The following FAM227B variants were observed in gnomAD, a reference collection of about 807,000 sequenced individuals.
FAM227B encodes family with sequence similarity 227 member B.
Under a neutral mutation model 73.8 loss-of-function variants are expected in FAM227B, and 88 were observed. The observed-to-expected ratio is 1.19, with a 90% CI of 1.00 to 1.42. The LOEUF (loss-of-function observed/expected upper bound fraction) is 1.42, where lower values mean the gene tolerates loss of function less well. Ranked by LOEUF, FAM227B falls within the 40% of genes most tolerant of loss-of-function variation. The pLI, the probability that FAM227B is intolerant of heterozygous loss-of-function variation, is 0.00. For synonymous variants in FAM227B, 210 were observed against 190.5 expected (o/e 1.10, Z -0.84); for missense variants, 632 against 590.9 (o/e 1.07, Z -0.72).
intron 10 of FAM227B, among the ~76,000 whole-genome samples, chr15:49,530,167 G>A (rs186107929): frequency 4.0e-5 from 6 of 151,456 alleles, no homozygotes; most frequent in East Asian, 1.9e-4. Context: ...TTCCTATTAC[G>A]TATTTAGAAA....
rs113214972 is a variant in FAM227B, at chr15:49,551,256, T to TGAGGGAGAGGGAGAGGGA, written c.748-9468_748-9451dup. Among the ~76,000 whole-genome samples the TGAGGGAGAGGGAGAGGGA allele has an allele frequency of 9.2e-4, 139 of 151,678 alleles. 1 individual carries two copies. Among genetic ancestry groups the TGAGGGAGAGGGAGAGGGA allele is most frequent in the Admixed American group, 4.9e-3 (75 of 15,218 alleles). ...AGTACAGTCCAGCTTTGGCTCAGCATGAGGGAGAGGGAGAGGGAGAGGGAG... is the reference window on the plus strand; with the variant it reads ...AGTACAGTCCAGCTTTGGCTCAGCATGAGGGAGAGGGAGAGGGAGAGGGAGAGGGAGAGGGAGAGGGAG... On this transcript the variant is annotated intron_variant, in intron 9 of 15. Coordinates refer to ENST00000299338, the MANE Select transcript of FAM227B (RefSeq NM_152647.3).
chr15:49,588,636 G>A (rs1221716301), intron 4 of FAM227B, among the ~76,000 whole-genome samples: 2 of 131,066 alleles, frequency 1.5e-5, no homozygotes, highest in East Asian at 2.3e-4. Flanking sequence ...AGGAAGATAT[G>A]AAAGGATATG....
chr15:49,455,498 G>A (rs1346270141), intron 11 of FAM227B, among the ~76,000 whole-genome samples: 1 of 152,012 alleles, frequency 6.6e-6, no homozygotes, highest in African/African-American at 2.4e-5. Flanking sequence ...GATACCATAC[G>A]GGTGCTCAAT....
chr15:49,500,864 T>A (rs1379330195), intron 11 of FAM227B, among the ~76,000 whole-genome samples: 1 of 152,148 alleles, frequency 6.6e-6, no homozygotes, highest in Non-Finnish European at 1.5e-5. Flanking sequence ...TGAGTTCATA[T>A]GAGGTCTGCT....
chr15:49,516,668 C>A (rs1184350355), intron 10 of FAM227B, among the ~76,000 whole-genome samples: 1 of 151,772 alleles, frequency 6.6e-6, no homozygotes, highest in Non-Finnish European at 1.5e-5. Context: ...ATAGTCTAGC[C>A]AGTTATACAA....
At chr15:49,549,484 C>A (rs1280677809) in intron 9 of FAM227B, among the ~76,000 whole-genome samples, 1 of 152,090 alleles carries the variant, frequency 6.6e-6, no homozygotes, top group Non-Finnish European at 1.5e-5. Flanking sequence ...TGGCCTTCCA[C>A]AGTGTTTGTG....
In FAM227B at chr15:49,328,224, C is replaced by T. The variant is rs1469213702; in HGVS notation, c.*344G>A. 6.5e-7 allele frequency: 1 copy of T among 1,528,298 alleles called. No homozygotes were observed. Among genetic ancestry groups the T allele is most frequent in the Non-Finnish European group, 8.8e-7 (1 of 1,135,810 alleles). 94.7% of individuals were successfully genotyped at this position (1,528,298 alleles called of 1,614,324 possible). On this transcript the variant is annotated 3_prime_UTR_variant, in exon 16 of 16. Transcript: ENST00000299338. ...TAGGAATTGGCAGGACTTTCTGTGCCACAGTAAATTAATCTTCCTTCTGTT... is the reference window on the plus strand; with the variant it reads ...TAGGAATTGGCAGGACTTTCTGTGCTACAGTAAATTAATCTTCCTTCTGTT...
At chr15:49,401,257 T>G (rs2048122348) in intron 11 of FAM227B, among the ~76,000 whole-genome samples, 1 of 152,210 alleles carries the variant, frequency 6.6e-6, no homozygotes, top group Admixed American at 6.5e-5. Context: ...AAAATGCTCA[T>G]CATCACTGGC....
At chr15:49,375,229 TA>T (rs1407204425) in intron 11 of FAM227B, among the ~76,000 whole-genome samples, 2 of 152,218 alleles carry the variant, frequency 1.3e-5, no homozygotes, top group African/African-American at 4.8e-5. Flanking sequence ...TATACTTATG[TA>T]GATCGCTAGC....
At chr15:49,514,894 C>T (rs960464604) in intron 10 of FAM227B, among the ~76,000 whole-genome samples, 1 of 152,072 alleles carries the variant, frequency 6.6e-6, no homozygotes, top group African/African-American at 2.4e-5. Flanking sequence ...TTAAGTTTTA[C>T]ACTTAGGGCT....
intron 11 of FAM227B, among the ~76,000 whole-genome samples, chr15:49,419,216 G>A (rs1178340768): frequency 2.0e-5 from 3 of 152,182 alleles, no homozygotes; most frequent in Non-Finnish European, 2.9e-5. Context: ...TGCTATGTGC[G>A]GTGGTGCTGT....
intron 13 of FAM227B, among the ~76,000 whole-genome samples, chr15:49,355,865 A>T (rs889726327): frequency 1.4e-4 from 21 of 152,218 alleles, no homozygotes; most frequent in African/African-American, 5.1e-4. Context: ...CCTCAAAGGG[A>T]AGCCCATCAG....
intron 13 of FAM227B, among the ~76,000 whole-genome samples, chr15:49,345,513 T>A (rs1417728050): frequency 6.6e-6 from 1 of 152,212 alleles, no homozygotes; most frequent in Non-Finnish European, 1.5e-5. Context: ...TTTTTCCGAA[T>A]TAGATAAAAC....
chr15:49,459,700 C>T (rs908226241), intron 11 of FAM227B, among the ~76,000 whole-genome samples: 2 of 152,038 alleles, frequency 1.3e-5, no homozygotes, highest in African/African-American at 2.4e-5. Flanking sequence ...AATGACTGTA[C>T]ACATTTTCAG....
At chr15:49,346,281 C>A (rs1429200297) in intron 13 of FAM227B, among the ~76,000 whole-genome samples, 1 of 152,134 alleles carries the variant, frequency 6.6e-6, no homozygotes, top group Admixed American at 6.5e-5. Flanking sequence ...CCATGGAGGG[C>A]CAAAAACTCT....
At chr15:49,385,024 C>A (rs1372143672) in intron 11 of FAM227B, among the ~76,000 whole-genome samples, 3 of 151,940 alleles carry the variant, frequency 2.0e-5, no homozygotes, top group African/African-American at 7.2e-5. Context: ...CAGGACCTTG[C>A]TCTTCCTGTA....
chr15:49,377,242 C>A (rs2046227618), intron 11 of FAM227B, among the ~76,000 whole-genome samples: 1 of 151,978 alleles, frequency 6.6e-6, no homozygotes, highest in Non-Finnish European at 1.5e-5. Flanking sequence ...TGTATATGTA[C>A]ACATTTTCTT....
At chr15:49,360,634 A>C (rs2044051930) in intron 13 of FAM227B, among the ~76,000 whole-genome samples, 1 of 152,202 alleles carries the variant, frequency 6.6e-6, no homozygotes, top group South Asian at 2.1e-4. Context: ...TCTGCAGTTT[A>C]AAGATATACC....
chr15:49,564,518 A>G (rs966497475), intron 9 of FAM227B, among the ~76,000 whole-genome samples: 22 of 152,192 alleles, frequency 1.4e-4, no homozygotes, highest in Admixed American at 7.9e-4. Flanking sequence ...AAGTCGTTCT[A>G]TCAAAAAGAC....
Sources: allele counts gnomAD v4.1 joint callset (sites outside exome capture counted in the v4.1 genomes callset), GRCh38; gene constraint gnomAD v4.1.1; transcripts MANE v1.5; gene names NCBI Gene and HGNC (gene_info 2026-07-23, HGNC 2026-07-21).